Variants in PYHIN1 observed in about 807,000 individuals in gnomAD.
The protein encoded by PYHIN1 is pyrin and HIN domain family member 1, also known as pyrin and HIN domain-containing protein 1.
PYHIN1 carries 32 observed loss-of-function variants against 43.7 expected under a neutral mutation model. That is an observed-to-expected ratio of 0.73 (90% CI 0.55 to 0.98). The LOEUF is 0.98. Ranked by LOEUF, PYHIN1 falls within the 50% of genes least tolerant of loss-of-function variation. The pLI is 0.00. For missense variants in PYHIN1, 588 were observed against 589.5 expected (o/e 1.00, Z 0.03); for synonymous variants, 205 against 203.1 (o/e 1.01, Z -0.08).
intron 1 of PYHIN1, among the ~76,000 whole-genome samples, chr1:158,932,152 G>A (rs1648203307): frequency 6.6e-6 from 1 of 152,166 alleles, no homozygotes. Context: ...ATTCCACGCT[G>A]TATATGCATA....
At chr1:158,964,863 A>G (rs1423439062) in intron 7 of PYHIN1, among the ~76,000 whole-genome samples, 1 of 152,208 alleles carries the variant, frequency 6.6e-6, no homozygotes, top group Admixed American at 6.5e-5. Context: ...CAACACAATG[A>G]CAGGATCAAA....
At chr1:158,944,304 G>A (rs1649097821) in intron 6 of PYHIN1, among the ~76,000 whole-genome samples, 1 of 152,158 alleles carries the variant, frequency 6.6e-6, no homozygotes. Flanking sequence ...TTGCTCATTG[G>A]TTGCATGATA....
the PYHIN1 span, among the ~76,000 whole-genome samples, chr1:158,987,087 G>A: frequency 6.6e-6 from 1 of 152,092 alleles, no homozygotes; most frequent in Non-Finnish European, 1.5e-5. Context: ...TTTTTTGTTT[G>A]TTTGTTGATA....
At chr1:158,959,723 CCTTTA>C (rs1302354234) in intron 7 of PYHIN1, among the ~76,000 whole-genome samples, 1 of 152,126 alleles carries the variant, frequency 6.6e-6, no homozygotes, top group Admixed American at 6.6e-5. Context: ...TTCCTAGCAC[CCTTTA>C]CTTTTCATGA....
intron 4 of PYHIN1, 33 bp from the exon 5 acceptor site, chr1:158,941,944 T>C: frequency 6.5e-7 from 1 of 1,533,142 alleles, no homozygotes; most frequent in Non-Finnish European, 8.7e-7. Context: ...ACTCAAAAAT[T>C]TCTTTTTTGT....
intron 7 of PYHIN1, among the ~76,000 whole-genome samples, chr1:158,962,416 C>T (rs923745286): frequency 1.3e-5 from 2 of 152,182 alleles, no homozygotes; most frequent in East Asian, 1.9e-4. Context: ...ATCCCCAACA[C>T]ACTGGAGCCA....
chr1:158,947,988 G>T (rs1649317286), intron 7 of PYHIN1, among the ~76,000 whole-genome samples: 1 of 152,198 alleles, frequency 6.6e-6, no homozygotes, highest in Non-Finnish European at 1.5e-5. Flanking sequence ...CTTCCAAGAA[G>T]ATTTGTGTCT....
intron 7 of PYHIN1, among the ~76,000 whole-genome samples, chr1:158,955,263 C>T (rs1649845144): frequency 1.3e-5 from 2 of 152,138 alleles, no homozygotes; most frequent in African/African-American, 4.8e-5. Flanking sequence ...TAACAGACAT[C>T]TACAGAACTC....
the PYHIN1 span, among the ~76,000 whole-genome samples, chr1:158,984,355 TC>T: frequency 1.3e-5 from 2 of 152,162 alleles, no homozygotes; most frequent in Non-Finnish European, 2.9e-5. Flanking sequence ...ATTTTTGTTT[TC>T]ATTAGTTTCA....
chr1:158,987,624 G>T, the PYHIN1 span, among the ~76,000 whole-genome samples: 1 of 151,976 alleles, frequency 6.6e-6, no homozygotes, highest in African/African-American at 2.4e-5. Context: ...AAGGTCATGT[G>T]GATTTACACC....
At chr1:158,968,483 T>G (rs1322791748) in intron 7 of PYHIN1, among the ~76,000 whole-genome samples, 1 of 152,134 alleles carries the variant, frequency 6.6e-6, no homozygotes, top group African/African-American at 2.4e-5. Flanking sequence ...GGAACACTTA[T>G]ATACTGCCAG....
chr1:158,935,679 T>C (rs529561829), intron 1 of PYHIN1, among the ~76,000 whole-genome samples: 2 of 152,268 alleles, frequency 1.3e-5, no homozygotes, highest in African/African-American at 2.4e-5. Flanking sequence ...AGCATGAAAC[T>C]GTAGTGCTGC....
chr1:158,956,597 C>G (rs1384617972), intron 7 of PYHIN1, among the ~76,000 whole-genome samples: 1 of 151,732 alleles, frequency 6.6e-6, no homozygotes, highest in Non-Finnish European at 1.5e-5. Flanking sequence ...ACTGATGGGA[C>G]GTATTTCAAA....
intron 2 of PYHIN1, 42 bp from the exon 3 acceptor site, chr1:158,938,355 C>G: frequency 1.2e-6 from 2 of 1,608,954 alleles, no homozygotes; most frequent in Non-Finnish European, 1.7e-6. Context: ...TGTCCCCGAT[C>G]ATCTGCTCTG....
Position 158,939,258 on chromosome 1 carries a change from C to T in PYHIN1, c.579+11C>T, listed in dbSNP as rs1648758051. ...ACTTCCTCAACTGAGGTACACTCTT[C>T]CTGGTCCCCTTTTGATTCATTTTCT... On this transcript the variant is annotated intron_variant, in intron 4 of 8. Coordinates refer to ENST00000368140, the MANE Select transcript of PYHIN1 (RefSeq NM_152501.5). The T allele has an allele frequency of 6.3e-7, 1 of 1,588,526 alleles. No individual in the cohort carries two copies. Among genetic ancestry groups the T allele is most frequent in the Non-Finnish European group, 8.6e-7 (1 of 1,166,416 alleles).
downstream of PYHIN1, among the ~76,000 whole-genome samples, chr1:158,978,620 G>C (rs1223271038): frequency 2.6e-5 from 4 of 152,080 alleles, no homozygotes; most frequent in Admixed American, 2.6e-4. Flanking sequence ...CCACTCTTGA[G>C]TATGTAGATG....
chr1:158,939,595 C>G (rs764450347), intron 4 of PYHIN1: 2 of 1,379,906 alleles, frequency 1.4e-6, no homozygotes, highest in South Asian at 1.2e-5. Context: ...CACCATGCTC[C>G]TTTTTCCTTT....
At chr1:158,979,175 C>G (rs1433228012), downstream of PYHIN1, among the ~76,000 whole-genome samples, 1 of 152,132 alleles carries the variant, frequency 6.6e-6, no homozygotes, top group East Asian at 1.9e-4. Flanking sequence ...GTGAGATCAA[C>G]CACTTAACAA....
Position 158,938,436 on chromosome 1 carries a change from T to G in PYHIN1, c.305T>G (p.Ile102Ser), listed in dbSNP as rs1326090533. ...KIESIPVKGI[I>S]PSKKTKQKEV... The stretch of plus-strand genomic sequence containing the variant: ...GAATCCATTCCAGTCAAAGGAATAA[T>G]CCCATCTAAAAAGACGAAACAGAAA... The change falls in exon 3 of 9, where the codon ATC (isoleucine) becomes AGC (serine). Residue 102 changes from isoleucine (I) to serine (S), a missense_variant. Physicochemically the swap from Ile to Ser is moderately radical, Grantham distance 142. Coordinates refer to ENST00000368140, the MANE Select transcript of PYHIN1 (RefSeq NM_152501.5). The G allele has an allele frequency of 2.3e-5, 37 of 1,614,134 alleles. No individual in the cohort carries two copies. The highest frequency in any genetic ancestry group is 3.1e-5 in the Non-Finnish European group (36 of 1,179,982).
Sources: allele counts gnomAD v4.1 joint callset (sites outside exome capture counted in the v4.1 genomes callset), GRCh38; gene constraint gnomAD v4.1.1; transcripts MANE v1.5; gene names NCBI Gene and HGNC (gene_info 2026-07-23, HGNC 2026-07-21).